The following PATJ variants were observed in gnomAD, a reference collection of about 807,000 sequenced individuals.
PATJ encodes the protein inaD-like protein.
PATJ carries 190 observed loss-of-function variants against 224.9 expected under a neutral mutation model. The observed-to-expected ratio is 0.84, with a 90% CI of 0.75 to 0.95. The LOEUF (loss-of-function observed/expected upper bound fraction) is 0.95. Ranked by LOEUF, PATJ falls within the 40% of genes least tolerant of loss-of-function variation. The pLI is 0.00. For missense variants in PATJ, 2,121 were observed against 2,270.3 expected, an observed-to-expected ratio of 0.93 and a Z score of 1.34; for synonymous variants, 769 against 820.3, an observed-to-expected ratio of 0.94 and a Z score of 1.07.
intron 1 of PATJ, among the ~76,000 whole-genome samples, chr1:61,745,728 C>G (rs1268073930): frequency 6.6e-6 from 1 of 150,764 alleles, no homozygotes; most frequent in Non-Finnish European, 1.5e-5. Flanking sequence ...CTCAGCTTCC[C>G]AAGTAGCTGG....
chr1:62,106,066 AT>A (rs1662899356), intron 33 of PATJ, among the ~76,000 whole-genome samples: 1 of 21,630 alleles, frequency 4.6e-5, no homozygotes, highest in Non-Finnish European at 9.7e-5. Flanking sequence ...AAAAAAAAAT[AT>A]ATATATATAT....
intron 7 of PATJ, among the ~76,000 whole-genome samples, chr1:61,777,724 TTTTAGCATAGTCTTGCTC>T (rs1647010331): frequency 2.8e-4 from 30 of 106,020 alleles, no homozygotes; most frequent in East Asian, 1.7e-3. Context: ...TTTTTTTTTT[TTTTAGCATAGTCTTGCTC>T]TTTTGCCTAG....
chr1:61,796,686 C>CTT (rs1416620072), intron 10 of PATJ, among the ~76,000 whole-genome samples: 3 of 22,910 alleles, frequency 1.3e-4, no homozygotes, highest in African/African-American at 2.2e-4. Context: ...TTCTTTCTTT[C>CTT]TTTCTTTCTT....
At chr1:61,851,517 T>C (rs555367538) in intron 17 of PATJ, among the ~76,000 whole-genome samples, 1 of 152,204 alleles carries the variant, frequency 6.6e-6, no homozygotes, top group South Asian at 2.1e-4. Flanking sequence ...GGCAGTGATA[T>C]GTATGGGGAA....
At chr1:61,750,883 G>A (rs1645285351) in intron 1 of PATJ, among the ~76,000 whole-genome samples, 3 of 152,038 alleles carry the variant, frequency 2.0e-5, no homozygotes, top group Admixed American at 6.6e-5. Flanking sequence ...CTACTGAAAG[G>A]TCACTAACAG....
intron 26 of PATJ, among the ~76,000 whole-genome samples, chr1:61,922,353 T>C (rs1674461000): frequency 6.6e-6 from 1 of 152,248 alleles, no homozygotes; most frequent in Admixed American, 6.5e-5. Context: ...CAGTAACTGC[T>C]ACTTTAAAGT....
In PATJ at chr1:62,012,360, A is replaced by G. The variant is rs752280330; in HGVS notation, c.3868-5496A>G. On this transcript the variant is annotated intron_variant, in intron 28 of 43. Coordinates refer to ENST00000642238, the MANE Select transcript of PATJ (RefSeq NM_001350145.3). ...TAAATCATACCCCAGTTGTTCTGAG[A>G]TCTAAATGAGATACTGTGCATAATG... Among the ~76,000 whole-genome samples the G allele has an allele frequency of 3.3e-4, 51 of 152,338 alleles. 1 individual carries two copies. Among genetic ancestry groups the G allele is most frequent in the Non-Finnish European group, 3.4e-4 (23 of 68,030 alleles).
At chr1:61,891,793 A>G (rs1304860694) in intron 22 of PATJ, among the ~76,000 whole-genome samples, 1 of 152,196 alleles carries the variant, frequency 6.6e-6, no homozygotes, top group East Asian at 1.9e-4. Flanking sequence ...CACACATTTT[A>G]AGGTACAGCC....
intron 41 of PATJ, among the ~76,000 whole-genome samples, chr1:62,145,936 C>T (rs559816166): frequency 4.6e-5 from 7 of 151,656 alleles, no homozygotes; most frequent in East Asian, 1.9e-4. Flanking sequence ...CCAGCCTGGG[C>T]GACAGAGTGA....
chr1:62,153,564 T>C (rs755757096), intron 43 of PATJ, 83 bp downstream of exon 43: 222 of 942,598 alleles, frequency 2.4e-4, no homozygotes, highest in Non-Finnish European at 2.9e-4. Flanking sequence ...TTGCTTTACT[T>C]TGGGTCAAAC....
At chr1:62,101,308 G>T (rs1300896541) in intron 33 of PATJ, among the ~76,000 whole-genome samples, 1 of 144,382 alleles carries the variant, frequency 6.9e-6, no homozygotes, top group Non-Finnish European at 1.5e-5. Flanking sequence ...CTGTCACCCA[G>T]GCTGGAGTGC....
chr1:61,914,902 G>C (rs1673232154), intron 26 of PATJ, among the ~76,000 whole-genome samples: 1 of 152,280 alleles, frequency 6.6e-6, no homozygotes, highest in East Asian at 1.9e-4. Flanking sequence ...AACGTCTATA[G>C]ATTTCTTTCC....
intron 27 of PATJ, among the ~76,000 whole-genome samples, chr1:61,950,034 C>G (rs1456697003): frequency 6.6e-6 from 1 of 152,168 alleles, no homozygotes; most frequent in African/African-American, 2.4e-5. Flanking sequence ...TGAAACCCAT[C>G]TCTACTGAAA....
At chr1:61,992,030 T>A (rs1645091531) in intron 28 of PATJ, among the ~76,000 whole-genome samples, 1 of 151,960 alleles carries the variant, frequency 6.6e-6, no homozygotes, top group Non-Finnish European at 1.5e-5. Context: ...CAGAACTAAG[T>A]GAATAAGTGT....
chr1:62,098,587 C>T (rs1363255373), intron 33 of PATJ, among the ~76,000 whole-genome samples: 2 of 142,828 alleles, frequency 1.4e-5, no homozygotes, highest in Non-Finnish European at 3.0e-5. Flanking sequence ...GGAGTGAGAC[C>T]GTGTCTCAAA....
chr1:61,886,487 A>G (rs569065405), intron 22 of PATJ, among the ~76,000 whole-genome samples: 1 of 152,226 alleles, frequency 6.6e-6, no homozygotes, highest in South Asian at 2.1e-4. Flanking sequence ...ACACAAGGTT[A>G]AAAATTGGAC....
In PATJ at chr1:61,779,791, T is replaced by C. The variant is rs74891019; in HGVS notation, c.849+4457T>C. Among the ~76,000 whole-genome samples the C allele has an allele frequency of 1.8e-3, 271 of 152,338 alleles. 4 individuals carry two copies. Among genetic ancestry groups the C allele is most frequent in the Admixed American group, 0.014 (214 of 15,302 alleles). On this transcript the variant is annotated intron_variant, in intron 7 of 43. Coordinates refer to ENST00000642238, the MANE Select transcript of PATJ (RefSeq NM_001350145.3). ...TAATTTAAAATAGGTTTATTTAGCT[T>C]ACAGCTCTGCTGGCTGGAAAATTGG...
intron 1 of PATJ, among the ~76,000 whole-genome samples, chr1:61,753,161 A>G (rs1440339799): frequency 2.6e-5 from 4 of 152,184 alleles, no homozygotes; most frequent in Admixed American, 6.5e-5. Context: ...AATCATGACT[A>G]TATTTACACT....
chr1:62,041,435 A>C (rs1351762944), intron 30 of PATJ, among the ~76,000 whole-genome samples: 1 of 152,182 alleles, frequency 6.6e-6, no homozygotes, highest in Non-Finnish European at 1.5e-5. Context: ...GTAAAAGGCA[A>C]AAGCTCCAGT....
Sources: gnomAD v4.1 joint callset for allele counts (sites outside exome capture counted in the v4.1 genomes callset) on GRCh38, gnomAD v4.1.1 for gene constraint, MANE v1.5 for transcripts, NCBI Gene and HGNC (gene_info 2026-07-23, HGNC 2026-07-21) for gene names.